RBM34: variants seen among roughly 807,000 people sequenced by gnomAD.
The protein encoded by RBM34 is RNA-binding protein 34.
A neutral mutation model predicts 44.6 loss-of-function variants in RBM34; 39 were observed. The observed-to-expected ratio is 0.87, with a 90% CI of 0.68 to 1.14. RBM34 has a LOEUF of 1.14. Among genes scored for constraint, RBM34 ranks in the 50% most tolerant of loss-of-function variants. The probability of loss-of-function intolerance (pLI) is 0.00; values close to 1 mark genes in which losing one functional copy is unlikely to be tolerated. For synonymous variants in RBM34, 194 were observed against 184.0 expected (o/e 1.05, Z -0.44); for missense variants, 572 against 517.9 (o/e 1.10, Z -1.01).
At chr1:235,148,867 G>A (rs1662032008) in intron 5 of RBM34, among the ~76,000 whole-genome samples, 1 of 151,824 alleles carries the variant, frequency 6.6e-6, no homozygotes, top group Middle Eastern at 3.4e-3. Context: ...CAAAGTGCTG[G>A]GATTACAAAC....
intron 5 of RBM34, among the ~76,000 whole-genome samples, chr1:235,150,710 T>TA (rs138738781): frequency 0.15 from 22,490 of 152,048 alleles, 1,826 homozygotes; most frequent in Middle Eastern, 0.2. Context: ...CAGGTGCTGG[T>TA]AACCCAAGAA....
intron 5 of RBM34, among the ~76,000 whole-genome samples, chr1:235,148,889 C>T (rs1010835261): frequency 6.6e-6 from 1 of 152,008 alleles, no homozygotes; most frequent in Non-Finnish European, 1.5e-5. Flanking sequence ...TGAGCCACCA[C>T]GGCTGGCCAA....
Position 235,161,084 on chromosome 1 carries a change from G to A in RBM34, c.54-17C>T, listed in dbSNP as rs759023715. On this transcript the variant is annotated splice_polypyrimidine_tract_variant and intron_variant, in intron 1 of 10. Coordinates refer to ENST00000408888, the MANE Select transcript of RBM34 (RefSeq NM_015014.4). ...GGATTCTCTCTAGAAATGGACGACA[G>A]AAACTCAGCCACGCCACGCACCACC... 18 of 1,609,936 alleles carry A rather than the reference G, an allele frequency of 1.1e-5. No homozygotes were observed. The South Asian group carries it at 1.8e-4, about 16-fold the overall frequency.
At chr1:235,138,310 CT>C in intron 6 of RBM34, 136 bp from the exon 7 acceptor site, 1 of 636,750 alleles carries the variant, frequency 1.6e-6, no homozygotes, top group Admixed American at 3.4e-5. Flanking sequence ...GACATTTCAT[CT>C]CTTTGAATAA....
At chr1:235,145,943 G>A (rs1172182000) in intron 6 of RBM34, among the ~76,000 whole-genome samples, 1 of 144,980 alleles carries the variant, frequency 6.9e-6, no homozygotes, top group Non-Finnish European at 1.5e-5. Flanking sequence ...GTGCCTCCAT[G>A]ACCAGCTAAA....
chr1:235,152,616 C>G lies in RBM34; in HGVS notation c.657+90G>C, dbSNP rs999095376. ...CCTATTGATTCAAAAGGTTAAAGTGCTTCACCATCTCACTAACAGCAATAA... is the reference window on the plus strand; with the variant it reads ...CCTATTGATTCAAAAGGTTAAAGTGGTTCACCATCTCACTAACAGCAATAA... On this transcript the variant is annotated intron_variant, in intron 5 of 10. Coordinates refer to ENST00000408888, the MANE Select transcript of RBM34 (RefSeq NM_015014.4). The G allele has an allele frequency of 7.1e-6, 11 of 1,550,102 alleles. No individual in the cohort carries two copies. The African/African-American group carries it at 1.3e-4, about 18-fold the overall frequency.
intron 10 of RBM34, among the ~76,000 whole-genome samples, chr1:235,132,838 G>A (rs1434595471): frequency 6.6e-6 from 1 of 152,118 alleles, no homozygotes; most frequent in Non-Finnish European, 1.5e-5. Flanking sequence ...AAGGACTTTA[G>A]AAGCTTATCA....
rs144162736 is a variant in RBM34 at position 235,157,472 on chromosome 1, A to G, written c.366-2360T>C. On this transcript the variant is annotated intron_variant, in intron 3 of 10. Coordinates refer to ENST00000408888, the MANE Select transcript of RBM34 (RefSeq NM_015014.4). ...CCAAGGAACAGGACTGATGAGAATG[A>G]TGAGCTCCCAGTGGAGCATTCTTAC... is the stretch of plus-strand genomic sequence containing the variant. Among the ~76,000 whole-genome samples, 211 of 152,284 alleles carry G rather than the reference A, an allele frequency of 1.4e-3. 2 individuals are homozygous for G. Among genetic ancestry groups the G allele is most frequent in the East Asian group, 7.0e-3 (36 of 5,168 alleles).
chr1:235,146,762 A>T (rs897135742), intron 6 of RBM34, among the ~76,000 whole-genome samples: 3 of 152,140 alleles, frequency 2.0e-5, no homozygotes, highest in Non-Finnish European at 1.5e-5. Context: ...CTGGGACTAC[A>T]GGCATGTGCC....
intron 5 of RBM34, among the ~76,000 whole-genome samples, chr1:235,149,165 G>C (rs1219282761): frequency 6.6e-6 from 1 of 151,622 alleles, no homozygotes; most frequent in East Asian, 2.0e-4. Context: ...AAGGCGGGCG[G>C]ATCACGAGGT....
Position 235,152,773 on chromosome 1 carries a change from TA to T in RBM34, c.598-9del, listed in dbSNP as rs752090756. ...AAAAAACGACTTCAGCTTCTAAAAT[TA>T]AAAAAAAAAATACACATTAGCTGAC... On this transcript the variant is annotated splice_polypyrimidine_tract_variant and intron_variant, in intron 4 of 10. Transcript: ENST00000408888. 0.038 allele frequency: 42,330 copies of T among 1,116,792 alleles called. 1 individual carries two copies. Among genetic ancestry groups the T allele is most frequent in the South Asian group, 0.065 (3,550 of 55,022 alleles). The allele number at this position is 1,116,792 out of a possible 1,614,324, so 69.2% of individuals were successfully genotyped here. A position where few individuals can be genotyped will look rare whatever the true frequency, so the allele number is the denominator to read the frequency against.
chr1:235,136,047 C>T lies in RBM34; in HGVS notation c.876G>A (p.Gly292=). The change falls in exon 9 of 11, where the codon GGG becomes GGA. Residue 292 remains glycine (G), a synonymous_variant. Coordinates refer to ENST00000408888, the MANE Select transcript of RBM34 (RefSeq NM_015014.4). The part of the protein sequence containing the change: ...SSRDKRSVFV[G]NLPYKVEESA... ...AAACAAACTTACTATAAGGGAGATT[C>T]CCCACAAAAACCGATCTCTTGTCTC... The T allele has an allele frequency of 1.3e-6, 2 of 1,593,744 alleles. No homozygotes were observed. The highest frequency in any genetic ancestry group is 1.7e-6 in the Non-Finnish European group (2 of 1,164,246).
At chr1:235,159,547 CAA>C (rs1184312990) in intron 3 of RBM34, among the ~76,000 whole-genome samples, 25 of 89,808 alleles carry the variant, frequency 2.8e-4, no homozygotes, top group Admixed American at 3.7e-4. Flanking sequence ...GACTCCAGCT[CAA>C]AAAAAAAAAA....
rs375256617 is a variant in RBM34 at position 235,155,098 on chromosome 1, G to C, written c.380C>G (p.Ala127Gly). The change falls in exon 4 of 11, where the codon GCG becomes GGG. Residue 127 changes from alanine to glycine, a missense_variant. Coordinates refer to ENST00000408888, the MANE Select transcript of RBM34 (RefSeq NM_015014.4). The stretch of plus-strand genomic sequence containing the variant: ...AATTTCTTCTTCTAAATCAGCACTC[G>C]CTAGAGCGCTTTCCCTTTTTAAGGC... ...KKLADRESAL[A>G]SADLEEEIHQ... is the part of the protein sequence containing the mutation. The C allele has an allele frequency of 6.2e-7, 1 of 1,611,346 alleles. No homozygotes were observed. Among genetic ancestry groups the C allele is most frequent in the Admixed American group, 1.7e-5 (1 of 59,158 alleles).
At chr1:235,156,868 C>G (rs1662469408) in intron 3 of RBM34, among the ~76,000 whole-genome samples, 1 of 152,174 alleles carries the variant, frequency 6.6e-6, no homozygotes, top group Admixed American at 6.5e-5. Context: ...AAAATGGTAA[C>G]AGCTATAATA....
Position 235,152,700 on chromosome 1 carries a change from A to C in RBM34, c.657+6T>G, listed in dbSNP as rs1159009007. On this transcript the variant is annotated splice_donor_region_variant and intron_variant, in intron 5 of 10. Coordinates refer to ENST00000408888, the MANE Select transcript of RBM34 (RefSeq NM_015014.4). Reference sequence around the variant, plus strand: ...TTATGTAATTTTACGGGGGAATGAAACATACCAGAGAACGAAATCGTACAG... The same window carrying C: ...TTATGTAATTTTACGGGGGAATGAACCATACCAGAGAACGAAATCGTACAG... The C allele has an allele frequency of 6.2e-7, 1 of 1,600,350 alleles. No homozygotes were observed. Among genetic ancestry groups the C allele is most frequent in the Admixed American group, 1.7e-5 (1 of 58,048 alleles).
At chr1:235,160,804 G>T in intron 2 of RBM34, 89 bp downstream of exon 2, 1 of 1,546,858 alleles carries the variant, frequency 6.5e-7, no homozygotes, top group East Asian at 2.3e-5. Context: ...GCCCCCTTTA[G>T]AAATCACGCT....
intron 5 of RBM34, among the ~76,000 whole-genome samples, chr1:235,151,722 T>C (rs913050896): frequency 6.6e-6 from 1 of 152,022 alleles, no homozygotes; most frequent in Non-Finnish European, 1.5e-5. Context: ...GAGAATCACA[T>C]GAGAAAGAGC....
intron 6 of RBM34, among the ~76,000 whole-genome samples, chr1:235,142,736 T>TGGCCAACATG (rs1305203896): frequency 4.0e-5 from 6 of 149,772 alleles, no homozygotes; most frequent in African/African-American, 1.2e-4. Flanking sequence ...GAAACCAGCC[T>TGGCCAACATG]GGCCAACATG....
Sources: gnomAD v4.1 joint callset for allele counts (sites outside exome capture counted in the v4.1 genomes callset) on GRCh38, gnomAD v4.1.1 for gene constraint, MANE v1.5 for transcripts, NCBI Gene and HGNC (gene_info 2026-07-23, HGNC 2026-07-21) for gene names.